The following LMO7 variants were observed in gnomAD, a reference collection of about 807,000 sequenced individuals.
LMO7 encodes the protein LIM domain only protein 7.
In LMO7, 120 loss-of-function variants were observed where a neutral mutation model predicts 206.5. The ratio of observed to expected loss-of-function variants is 0.58; its 90% CI spans 0.50 to 0.68. The LOEUF is 0.68. Ranked by LOEUF, LMO7 falls within the 30% of genes least tolerant of loss-of-function variation. The pLI, the probability that LMO7 is intolerant of heterozygous loss-of-function variation, is 0.00. For synonymous variants in LMO7, 706 were observed against 681.5 expected (o/e 1.04, Z -0.56); for missense variants, 1,959 against 1,957.9 (o/e 1.00, Z -0.01).
chr13:75,803,593 A>G (rs1465090700), intron 7 of LMO7, among the ~76,000 whole-genome samples: 7 of 152,226 alleles, frequency 4.6e-5, no homozygotes, highest in Non-Finnish European at 7.3e-5. Flanking sequence ...CTTGAGGAGT[A>G]TCAAAGGGTG....
In LMO7 at chr13:75,787,744, C is replaced by T. The variant is rs145301700; in HGVS notation, c.318-7657C>T. Among the ~76,000 whole-genome samples, 648 of 152,234 alleles carry T rather than the reference C, an allele frequency of 4.3e-3. 3 individuals carry two copies. The highest frequency in any genetic ancestry group is 8.5e-3 in the South Asian group (41 of 4,820). On this transcript the variant is annotated intron_variant, in intron 4 of 30. Coordinates refer to ENST00000377534, the MANE Select transcript of LMO7 (RefSeq NM_001306080.2). ...CAGATTAAAACCAATGAGTCACACGCCTCTAACGTCACTGGGAGGTTGTCA... is the reference window on the plus strand; with the variant it reads ...CAGATTAAAACCAATGAGTCACACGTCTCTAACGTCACTGGGAGGTTGTCA...
intron 3 of LMO7, among the ~76,000 whole-genome samples, chr13:75,741,960 T>G (rs1345996134): frequency 6.6e-6 from 1 of 152,200 alleles, no homozygotes; most frequent in Non-Finnish European, 1.5e-5. Flanking sequence ...GATGACTTGA[T>G]TCTATAACTA....
rs76166081 is a variant in LMO7, at chr13:75,705,597, C to T, written c.70-7585C>T. On this transcript the variant is annotated intron_variant, in intron 1 of 30. Transcript: ENST00000377534. ...CATGTGGTCTCTATTTATGTGGTTC[C>T]TATGAATCACAACAGCATTACGTGA... is the stretch of plus-strand genomic sequence containing the variant. Among the ~76,000 whole-genome samples the T allele has an allele frequency of 4.9e-3, 742 of 152,238 alleles. 8 individuals are homozygous for T. The highest frequency in any genetic ancestry group is 0.017 in the African/African-American group (697 of 41,538).
chr13:75,846,128 T>G (rs962627620), intron 26 of LMO7, among the ~76,000 whole-genome samples: 2 of 152,064 alleles, frequency 1.3e-5, no homozygotes, highest in African/African-American at 4.8e-5. Flanking sequence ...TCTGTTTTCA[T>G]GTGTTATCTT....
chr13:75,735,686 G>A (rs780634646), intron 3 of LMO7, among the ~76,000 whole-genome samples: 54 of 150,778 alleles, frequency 3.6e-4, no homozygotes, highest in Non-Finnish European at 6.3e-4. Flanking sequence ...ACGTTGGCCC[G>A]GGTAGTCTTG....
At chr13:75,786,545 T>C (rs2052469108) in intron 4 of LMO7, among the ~76,000 whole-genome samples, 1 of 151,976 alleles carries the variant, frequency 6.6e-6, no homozygotes, top group Non-Finnish European at 1.5e-5. Flanking sequence ...TGGCTAATTT[T>C]TTTTTGTTTG....
chr13:75,726,132 A>G (rs2044451202), intron 2 of LMO7, among the ~76,000 whole-genome samples: 1 of 151,926 alleles, frequency 6.6e-6, no homozygotes, highest in African/African-American at 2.4e-5. Flanking sequence ...TGAATAGGAA[A>G]ATTAGTTTCA....
chr13:75,733,697 A>G (rs1326007170), intron 3 of LMO7, among the ~76,000 whole-genome samples: 1 of 152,228 alleles, frequency 6.6e-6, no homozygotes, highest in Non-Finnish European at 1.5e-5. Context: ...ATGGAAATGC[A>G]GACATCACCC....
At chr13:75,832,057 G>T (rs1210900188) in intron 15 of LMO7, among the ~76,000 whole-genome samples, 1 of 152,082 alleles carries the variant, frequency 6.6e-6, no homozygotes, top group Admixed American at 6.6e-5. Context: ...AGTAAAACAG[G>T]TTTAGGAAGA....
intron 1 of LMO7, among the ~76,000 whole-genome samples, chr13:75,702,000 T>C (rs1178032580): frequency 6.6e-6 from 1 of 152,216 alleles, no homozygotes; most frequent in Non-Finnish European, 1.5e-5. Flanking sequence ...GGCTTGTTAA[T>C]AATTGTGGTT....
chr13:75,627,762 CT>C (rs2034404412), intron 2 of LMO7: 1 of 152,018 alleles, frequency 6.6e-6, no homozygotes, highest in Admixed American at 6.6e-5. Context: ...ACATTCTCTC[CT>C]TCCTCTTTCC....
chr13:75,845,535 CA>C (rs1272417298), intron 26 of LMO7, among the ~76,000 whole-genome samples, 156 bp downstream of exon 26: 1 of 152,058 alleles, frequency 6.6e-6, no homozygotes, highest in Non-Finnish European at 1.5e-5. Context: ...AACAGCAAAA[CA>C]ACTATCTTGT....
chr13:75,791,133 GTCTTT>G (rs1051763088), intron 4 of LMO7, among the ~76,000 whole-genome samples: 16 of 152,080 alleles, frequency 1.1e-4, no homozygotes, highest in African/African-American at 3.9e-4. Flanking sequence ...TTTGGGCTCT[GTCTTT>G]CAGAGCTCTG....
chr13:75,779,866 A>G (rs1336046198), intron 4 of LMO7, among the ~76,000 whole-genome samples: 2 of 152,134 alleles, frequency 1.3e-5, no homozygotes, highest in Non-Finnish European at 2.9e-5. Context: ...TATTTTCCCT[A>G]AGTGTCAGCC....
At chr13:75,732,867 T>C (rs1314978079) in intron 3 of LMO7, among the ~76,000 whole-genome samples, 1 of 152,224 alleles carries the variant, frequency 6.6e-6, no homozygotes, top group Non-Finnish European at 1.5e-5. Context: ...TGCAGGTCTG[T>C]TGGAGTTTGC....
chr13:75,819,655 A>G (rs2057382696), intron 13 of LMO7, 120 bp downstream of exon 13: 2 of 1,009,040 alleles, frequency 2.0e-6, no homozygotes, highest in Admixed American at 6.4e-5. Context: ...TTAGTCAAAT[A>G]TGCAAAGAAA....
At chr13:75,732,590 G>T (rs1333139114) in intron 3 of LMO7, among the ~76,000 whole-genome samples, 6 of 152,176 alleles carry the variant, frequency 3.9e-5, no homozygotes, top group Admixed American at 6.5e-5. Context: ...GTAGCTCGGA[G>T]TAGTTTGATT....
At position 75,802,776 on chromosome 13, in the gene LMO7, T is replaced by C. The variant is rs371757595; in HGVS notation, c.662-1513T>C. 5.9e-5 allele frequency among the ~76,000 whole-genome samples: 9 copies of C among 152,258 alleles called. No individual in the cohort carries two copies. In the East Asian group the frequency reaches 1.7e-3, roughly 29 times the overall value. Reference sequence around the variant, plus strand: ...GGAGGCACCAGGCCGATAAAGCTCTTTTGTGATCAGTGTGTTAAAATTCTA... The same window carrying C: ...GGAGGCACCAGGCCGATAAAGCTCTCTTGTGATCAGTGTGTTAAAATTCTA... On this transcript the variant is annotated intron_variant, in intron 7 of 30. Coordinates refer to ENST00000377534, the MANE Select transcript of LMO7 (RefSeq NM_001306080.2).
In LMO7 at chr13:75,805,524, T is replaced by C. The variant is rs528317674; in HGVS notation, c.960T>C (p.Thr320=). ...GCACCAATGTGGAGAACTGGCCAAC[T>C]GTACAAGGAACTTCAAAGTCCTCTT... The part of the protein sequence containing the change: ...IWGTNVENWP[T]VQGTSKSSCY... Residue 320 remains threonine (T), a synonymous_variant, in exon 9 of 31, where the codon ACT becomes ACC. Transcript: ENST00000377534. 3.7e-6 allele frequency: 6 copies of C among 1,614,028 alleles called. No homozygotes were observed. The African/African-American group carries it at 4.0e-5, about 11-fold the overall frequency.
Sources: gnomAD v4.1 joint callset for allele counts (sites outside exome capture counted in the v4.1 genomes callset) on GRCh38, gnomAD v4.1.1 for gene constraint, MANE v1.5 for transcripts, NCBI Gene and HGNC (gene_info 2026-07-23, HGNC 2026-07-21) for gene names.